Variants in DNAJC1 observed in about 807,000 individuals in gnomAD.
DNAJC1 encodes DnaJ heat shock protein family (Hsp40) member C1.
In DNAJC1, 58 loss-of-function variants were observed where a neutral mutation model predicts 76.6. That is an observed-to-expected ratio of 0.76 (90% CI 0.61 to 0.94). The LOEUF (loss-of-function observed/expected upper bound fraction) is 0.94. DNAJC1 is among the 40% of genes least tolerant of loss of function. The pLI is 0.00. For synonymous variants in DNAJC1, 258 were observed against 267.9 expected (o/e 0.96, Z 0.36); for missense variants, 689 against 677.3 (o/e 1.02, Z -0.19).
chr10:21,963,410 A>ATT (rs1564839681), intron 1 of DNAJC1, among the ~76,000 whole-genome samples: 1 of 152,232 alleles, frequency 6.6e-6, no homozygotes, highest in East Asian at 1.9e-4. Flanking sequence ...AGATTATAAA[A>ATT]AGGCATGAAA....
At chr10:21,826,553 C>A (rs1835259864) in intron 8 of DNAJC1, among the ~76,000 whole-genome samples, 1 of 152,190 alleles carries the variant, frequency 6.6e-6, no homozygotes, top group Non-Finnish European at 1.5e-5. Context: ...CAAGCTTTTG[C>A]TGTCATATAC....
chr10:21,989,187 G>A (rs1838294314), intron 1 of DNAJC1, among the ~76,000 whole-genome samples: 2 of 151,922 alleles, frequency 1.3e-5, no homozygotes, highest in African/African-American at 4.8e-5. Flanking sequence ...GATGATAAGT[G>A]GCAAAAGGTT....
intron 9 of DNAJC1, among the ~76,000 whole-genome samples, chr10:21,779,358 C>A (rs1834497505): frequency 1.3e-5 from 2 of 152,210 alleles, no homozygotes; most frequent in Non-Finnish European, 2.9e-5. Flanking sequence ...TAGGGGCCAA[C>A]TGACACCTCA....
intron 4 of DNAJC1, among the ~76,000 whole-genome samples, chr10:21,920,396 T>C (rs1418494868): frequency 6.6e-6 from 1 of 152,062 alleles, no homozygotes; most frequent in African/African-American, 2.4e-5. Flanking sequence ...AATATTATAT[T>C]CATTTCCAAT....
chr10:21,969,019 T>C (rs900490334), intron 1 of DNAJC1, among the ~76,000 whole-genome samples: 1 of 151,834 alleles, frequency 6.6e-6, no homozygotes, highest in African/African-American at 2.4e-5. Flanking sequence ...AGGTCAGGAA[T>C]TCGAGACCAG....
intron 8 of DNAJC1, among the ~76,000 whole-genome samples, chr10:21,824,150 A>G (rs1835204412): frequency 6.6e-6 from 1 of 152,210 alleles, no homozygotes; most frequent in African/African-American, 2.4e-5. Flanking sequence ...GCAGGAATTT[A>G]CCACTAAACA....
In DNAJC1 at chr10:21,961,878, C is replaced by G. The variant is rs564113980; in HGVS notation, c.223-32737G>C. On this transcript the variant is annotated intron_variant, in intron 1 of 11. Transcript: ENST00000376980. ...GAACTCATATCCCATCACTTTTCCT[C>G]TAACTTTCTCCACACTCAGGCCTCC... is the stretch of plus-strand genomic sequence containing the variant. Among the ~76,000 whole-genome samples, 15 of 152,276 alleles carry G rather than the reference C, an allele frequency of 9.9e-5. No individual in the cohort carries two copies. The South Asian group carries it at 2.3e-3, about 23-fold the overall frequency.
chr10:21,801,859 G>A (rs1224812684), intron 9 of DNAJC1, among the ~76,000 whole-genome samples: 2 of 152,110 alleles, frequency 1.3e-5, no homozygotes, highest in Non-Finnish European at 2.9e-5. Flanking sequence ...GAGCTGGAGA[G>A]GGTACTATCC....
chr10:22,001,907 T>C (rs1838524153), intron 1 of DNAJC1, among the ~76,000 whole-genome samples: 1 of 152,198 alleles, frequency 6.6e-6, no homozygotes, highest in Admixed American at 6.5e-5. Flanking sequence ...ATATAGTGTA[T>C]CTATAAGCAG....
intron 8 of DNAJC1, among the ~76,000 whole-genome samples, chr10:21,859,984 A>G (rs1404255487): frequency 2.6e-5 from 4 of 151,916 alleles, no homozygotes; most frequent in African/African-American, 9.7e-5. Context: ...GGGTTTCGCA[A>G]TGTTGGCCAG....
At chr10:21,911,404 T>A (rs760823822) in intron 6 of DNAJC1, among the ~76,000 whole-genome samples, 1 of 152,156 alleles carries the variant, frequency 6.6e-6, no homozygotes, top group East Asian at 1.9e-4. Context: ...GAATTACATA[T>A]AATATGCAAT....
intron 8 of DNAJC1, among the ~76,000 whole-genome samples, chr10:21,846,967 A>C (rs1250224214): frequency 6.6e-6 from 1 of 151,770 alleles, no homozygotes. Context: ...GGTGTCAAGG[A>C]CAAATAGATA....
At position 21,940,435 on chromosome 10, in the gene DNAJC1, T is replaced by C. The variant is rs530831234; in HGVS notation, c.223-11294A>G. 5.3e-5 allele frequency among the ~76,000 whole-genome samples: 8 copies of C among 152,308 alleles called. No individual in the cohort carries two copies. The East Asian group carries it at 1.4e-3, about 26-fold the overall frequency. ...GCCTTAAACTATATATACTAACCAGTGATAAGGTTAATCTATACCAAATCC... is the reference window on the plus strand; with the variant it reads ...GCCTTAAACTATATATACTAACCAGCGATAAGGTTAATCTATACCAAATCC... On this transcript the variant is annotated intron_variant, in intron 1 of 11. Coordinates refer to ENST00000376980, the MANE Select transcript of DNAJC1 (RefSeq NM_022365.4).
chr10:21,900,378 A>C (rs1230399051), intron 7 of DNAJC1, among the ~76,000 whole-genome samples: 3 of 151,922 alleles, frequency 2.0e-5, no homozygotes, highest in Middle Eastern at 3.2e-3. Flanking sequence ...AAGATAAAGA[A>C]ATTTGACTAA....
intron 1 of DNAJC1, among the ~76,000 whole-genome samples, chr10:21,962,570 T>C (rs1252067468): frequency 4.8e-5 from 7 of 146,646 alleles, no homozygotes; most frequent in African/African-American, 1.8e-4. Context: ...TGGGCTCAAA[T>C]GATCCTTCCA....
At chr10:21,908,010 TATA>T (rs1332545783) in intron 6 of DNAJC1, among the ~76,000 whole-genome samples, 6 of 80,642 alleles carry the variant, frequency 7.4e-5, no homozygotes, top group African/African-American at 3.5e-4. Flanking sequence ...ATATATTATA[TATA>T]ATAATATATA....
intron 9 of DNAJC1, among the ~76,000 whole-genome samples, chr10:21,777,279 T>C (rs527444571): frequency 3.3e-5 from 5 of 152,270 alleles, no homozygotes; most frequent in East Asian, 1.9e-4. Context: ...ACTAGTAACA[T>C]AGAACACCTA....
chr10:21,995,079 C>G (rs1220864146), intron 1 of DNAJC1, among the ~76,000 whole-genome samples: 3 of 151,812 alleles, frequency 2.0e-5, no homozygotes, highest in Non-Finnish European at 2.9e-5. Context: ...TTGAAAATAA[C>G]TGCCAATAAG....
chr10:21,912,323 G>A (rs1189856636), intron 6 of DNAJC1, among the ~76,000 whole-genome samples: 1 of 152,080 alleles, frequency 6.6e-6, no homozygotes, highest in Non-Finnish European at 1.5e-5. Flanking sequence ...TGGAATTGAT[G>A]AGACTATATG....
Sources: allele counts gnomAD v4.1 joint callset (sites outside exome capture counted in the v4.1 genomes callset), GRCh38; gene constraint gnomAD v4.1.1; transcripts MANE v1.5; gene names NCBI Gene and HGNC (gene_info 2026-07-23, HGNC 2026-07-21).